Variants in SPRED2 observed in about 807,000 individuals in gnomAD.
SPRED2 encodes the protein sprouty related EVH1 domain containing 2.
SPRED2 carries 47 observed loss-of-function variants against 43.0 expected under a neutral mutation model. The ratio of observed to expected loss-of-function variants is 1.09; its 90% CI spans 0.87 to 1.40. SPRED2 has a LOEUF of 1.40. Among genes scored for constraint, SPRED2 ranks in the 40% most tolerant of loss-of-function variants. The pLI, the probability that SPRED2 is intolerant of heterozygous loss-of-function variation, is 0.00. For synonymous variants in SPRED2, 225 were observed against 225.7 expected (o/e 1.00, Z 0.03); for missense variants, 561 against 586.4 (o/e 0.96, Z 0.45).
chr2:65,428,303 T>C (rs562231994), intron 1 of SPRED2, among the ~76,000 whole-genome samples: 1 of 152,340 alleles, frequency 6.6e-6, no homozygotes, highest in African/African-American at 2.4e-5. Flanking sequence ...TGACATGACA[T>C]ATGAAAGTAA....
At chr2:65,376,164 T>C (rs1675232217) in intron 1 of SPRED2, among the ~76,000 whole-genome samples, 1 of 152,202 alleles carries the variant, frequency 6.6e-6, no homozygotes, top group Admixed American at 6.5e-5. Flanking sequence ...CCTTCCCTGT[T>C]CCCTACAGTT....
intron 4 of SPRED2, among the ~76,000 whole-genome samples, chr2:65,324,642 G>A (rs1457451605): frequency 1.3e-5 from 2 of 152,188 alleles, no homozygotes; most frequent in African/African-American, 4.8e-5. Flanking sequence ...CAGCTCACAC[G>A]CCCTGGGTCC....
rs376291875 is a variant in SPRED2 at position 65,314,185 on chromosome 2, G to A, written c.589-16C>T. On this transcript the variant is annotated splice_polypyrimidine_tract_variant and intron_variant, in intron 5 of 5. Transcript: ENST00000356388. ...TTGGCATCGGCTGTCCCGTAGGAGA[G>A]GAGACATTATTTTACAGCAGCGGCC... The A allele has an allele frequency of 7.7e-6, 12 of 1,557,778 alleles. No individual in the cohort carries two copies. In the African/African-American group the frequency reaches 1.6e-4, roughly 21 times the overall value.
chr2:65,309,681 C>T (rs550350903), downstream of SPRED2, among the ~76,000 whole-genome samples: 2 of 152,240 alleles, frequency 1.3e-5, no homozygotes, highest in Admixed American at 6.5e-5. Context: ...TGTGCTTCCT[C>T]ACTTGTAAGG....
intron 1 of SPRED2, chr2:65,377,845 G>A: frequency 2.6e-6 from 1 of 381,680 alleles, no homozygotes; most frequent in South Asian, 1.9e-5. Flanking sequence ...ACAGCCTCCA[G>A]CAAAGGGGCA....
intron 2 of SPRED2, among the ~76,000 whole-genome samples, chr2:65,338,183 C>CTCTCCCGTCTCCCTCTCCCG (rs1235703215): frequency 7.9e-5 from 6 of 76,426 alleles, no homozygotes; most frequent in Non-Finnish European, 1.3e-4. Flanking sequence ...TCCCGTCTCC[C>CTCTCCCGTCTCCCTCTCCCG]TCTCCCTCTC....
chr2:65,378,544 C>T (rs761300630), intron 1 of SPRED2, among the ~76,000 whole-genome samples: 1 of 152,084 alleles, frequency 6.6e-6, no homozygotes, highest in Non-Finnish European at 1.5e-5. Context: ...CAATGTTTCA[C>T]GGTAAAAAGG....
intron 1 of SPRED2, among the ~76,000 whole-genome samples, chr2:65,348,793 A>AC (rs1558663195): frequency 2.8e-5 from 1 of 35,394 alleles, no homozygotes; most frequent in African/African-American, 9.7e-5. Context: ...AACTCCGTCT[A>AC]AAAAAAAAAA....
intron 1 of SPRED2, among the ~76,000 whole-genome samples, chr2:65,412,982 C>CT (rs1217176490): frequency 1.3e-5 from 2 of 152,170 alleles, no homozygotes; most frequent in African/African-American, 4.8e-5. Flanking sequence ...GCAGATCATT[C>CT]ACCTTCTTCC....
At chr2:65,409,763 T>A (rs188132872) in intron 1 of SPRED2, among the ~76,000 whole-genome samples, 2 of 149,174 alleles carry the variant, frequency 1.3e-5, no homozygotes, top group South Asian at 2.1e-4. Context: ...AGGCTGGGCA[T>A]GGTGGCTCAC....
chr2:65,402,303 A>C (rs58744305), intron 1 of SPRED2, among the ~76,000 whole-genome samples: 31,878 of 135,470 alleles, frequency 0.24, 5,123 homozygotes, highest in East Asian at 0.66. Flanking sequence ...AAAAAAAAAA[A>C]AACCAAAAAC....
At position 65,381,892 on chromosome 2, in the gene SPRED2, C is replaced by CT. The variant is rs1675381994; in HGVS notation, c.27-36997dup. Reference sequence around the variant, plus strand: ...GTGGAATTCCCCCCACCACACACACCTTTTTCCTAAAATGCCAGCTTGACA... The same window carrying CT: ...GTGGAATTCCCCCCACCACACACACCTTTTTTCCTAAAATGCCAGCTTGACA... On this transcript the variant is annotated intron_variant, in intron 1 of 5. Coordinates refer to ENST00000356388, the MANE Select transcript of SPRED2 (RefSeq NM_181784.3). Among the ~76,000 whole-genome samples the CT allele has an allele frequency of 2.0e-5, 3 of 152,354 alleles. No homozygotes were observed. In the East Asian group the frequency reaches 5.8e-4, roughly 29 times the overall value.
rs1418406957 is a variant in SPRED2, at chr2:65,422,586, A to G, written c.26+9376T>C. Reference sequence around the variant, plus strand: ...TACTTCCACTCATTTATTTTATCCAATACAATAATTTACACATAATTTTGC... The same window carrying G: ...TACTTCCACTCATTTATTTTATCCAGTACAATAATTTACACATAATTTTGC... On this transcript the variant is annotated intron_variant, in intron 1 of 5. Coordinates refer to ENST00000356388, the MANE Select transcript of SPRED2 (RefSeq NM_181784.3). 2.6e-5 allele frequency among the ~76,000 whole-genome samples: 4 copies of G among 152,240 alleles called. No homozygotes were observed. The East Asian group carries it at 7.7e-4, about 29-fold the overall frequency.
intron 1 of SPRED2, among the ~76,000 whole-genome samples, chr2:65,397,411 T>C (rs1000736459): frequency 6.6e-6 from 1 of 152,112 alleles, no homozygotes; most frequent in East Asian, 1.9e-4. Context: ...GCTTATGACA[T>C]GTCTCTCTTT....
intron 1 of SPRED2, among the ~76,000 whole-genome samples, chr2:65,410,949 G>C (rs954537639): frequency 1.4e-5 from 2 of 146,686 alleles, no homozygotes; most frequent in African/African-American, 4.9e-5. Flanking sequence ...CATCGGGACA[G>C]GGGTCATGGT....
At chr2:65,318,272 T>C (rs1673306015) in intron 4 of SPRED2, among the ~76,000 whole-genome samples, 2 of 152,138 alleles carry the variant, frequency 1.3e-5, no homozygotes, top group Admixed American at 6.5e-5. Flanking sequence ...TAAATCTCTT[T>C]CTTTTGAAAA....
chr2:65,310,233 C>CTA (rs1378946854), downstream of SPRED2, among the ~76,000 whole-genome samples: 1 of 151,990 alleles, frequency 6.6e-6, no homozygotes, highest in Non-Finnish European at 1.5e-5. Context: ...AAGGCCCCTC[C>CTA]TATATATCTC....
intron 1 of SPRED2, among the ~76,000 whole-genome samples, chr2:65,385,265 C>G (rs1024936152): frequency 8.5e-5 from 13 of 152,200 alleles, no homozygotes; most frequent in African/African-American, 2.9e-4. Context: ...AGCCACCACG[C>G]CCGGCCTGCT....
At chr2:65,307,772 G>T (rs1393314776), downstream of SPRED2, among the ~76,000 whole-genome samples, 1 of 152,186 alleles carries the variant, frequency 6.6e-6, no homozygotes, top group East Asian at 1.9e-4. Flanking sequence ...CTGGTATCTG[G>T]TTCTACAAGA....
Sources: allele counts gnomAD v4.1 joint callset (sites outside exome capture counted in the v4.1 genomes callset), GRCh38; gene constraint gnomAD v4.1.1; transcripts MANE v1.5; gene names NCBI Gene and HGNC (gene_info 2026-07-23, HGNC 2026-07-21).